SOX13: variants seen among roughly 807,000 people sequenced by gnomAD.
The protein encoded by SOX13 is transcription factor SOX-13.
A neutral mutation model predicts 71.8 loss-of-function variants in SOX13; 28 were observed. That is an observed-to-expected ratio of 0.39 (90% CI 0.29 to 0.53). The LOEUF is 0.53. SOX13 is among the 20% of genes least tolerant of loss of function. The pLI, the probability that SOX13 is intolerant of heterozygous loss-of-function variation, is 0.70. For missense variants in SOX13, 627 were observed against 810.3 expected (o/e 0.77, Z 2.75); for synonymous variants, 309 against 317.8 (o/e 0.97, Z 0.29).
chr1:204,080,547 C>T (rs1262005789), intron 1 of SOX13, among the ~76,000 whole-genome samples: 1 of 152,090 alleles, frequency 6.6e-6, no homozygotes, highest in Non-Finnish European at 1.5e-5. Context: ...CTTACCTCCC[C>T]CAGTCCCCGC....
At chr1:204,124,936 T>C in intron 13 of SOX13, 79 bp downstream of exon 13, 1 of 1,068,342 alleles carries the variant, frequency 9.4e-7, no homozygotes, top group Admixed American at 2.0e-5. Flanking sequence ...TGTCAGTGTG[T>C]GGCCTGCCTT....
At chr1:204,108,101 A>G (rs959498347) in intron 1 of SOX13, among the ~76,000 whole-genome samples, 4 of 152,206 alleles carry the variant, frequency 2.6e-5, no homozygotes. Context: ...GCGCTGTCCA[A>G]CATAAATATA....
chr1:204,095,109 G>T (rs544883645), intron 1 of SOX13, among the ~76,000 whole-genome samples: 1 of 152,258 alleles, frequency 6.6e-6, no homozygotes, highest in East Asian at 1.9e-4. Context: ...TCCTTCCACG[G>T]CCCTGAGCCG....
In SOX13 at chr1:204,123,943, T is replaced by TG; in HGVS notation, c.1375+143dup. The TG allele has an allele frequency of 1.0e-6, 1 of 999,460 alleles. No individual in the cohort carries two copies. The highest frequency in any genetic ancestry group is 1.6e-5 in the African/African-American group (1 of 62,124). 61.9% of individuals were successfully genotyped at this position (999,460 alleles called of 1,614,324 possible). On this transcript the variant is annotated intron_variant, in intron 12 of 13. Coordinates refer to ENST00000367204, the MANE Select transcript of SOX13 (RefSeq NM_005686.3). This position sits in a 1 kb window ranked among gnomAD's most constrained non-coding sequence, Gnocchi z 5.0. ...CTGACGACAGGGGTGCAGGAGTTGC[T>TG]GGGGATGTGAGGGCAGCTGGGTCCT...
chr1:204,117,120 A>G lies in SOX13; in HGVS notation c.592-2A>G. ...CCTCTGCCTACTCTTTCCCTCTCCC[A>G]GATTGCAAAGCAGCAGCAGCAGCTG... On this transcript the variant is annotated splice_acceptor_variant, in intron 5 of 13. Coordinates refer to ENST00000367204, the MANE Select transcript of SOX13 (RefSeq NM_005686.3). LOFTEE classifies it high-confidence loss of function. 1 of 1,613,814 alleles carries G rather than the reference A, an allele frequency of 6.2e-7. No homozygotes were observed.
chr1:204,076,800 T>C (rs1320123859), intron 1 of SOX13, among the ~76,000 whole-genome samples: 1 of 152,200 alleles, frequency 6.6e-6, no homozygotes, highest in Admixed American at 6.5e-5. Flanking sequence ...GGCACTGCAG[T>C]CACCCCATTC....
intron 1 of SOX13, chr1:204,078,135 G>C (rs1571561306): frequency 6.6e-6 from 1 of 152,276 alleles, no homozygotes; most frequent in Non-Finnish European, 1.5e-5. Context: ...TCTTAGAACT[G>C]TTGGGAGGCT....
chr1:204,091,650 G>C (rs1443865571), intron 1 of SOX13, among the ~76,000 whole-genome samples: 1 of 152,140 alleles, frequency 6.6e-6, no homozygotes, highest in Non-Finnish European at 1.5e-5. Flanking sequence ...AATCAGACTG[G>C]GGTTTGAGTC....
chr1:204,098,680 G>A (rs1177738313), intron 1 of SOX13, among the ~76,000 whole-genome samples: 1 of 152,204 alleles, frequency 6.6e-6, no homozygotes, highest in African/African-American at 2.4e-5. Context: ...CTAACAGGGA[G>A]GTGTGGGGTT....
chr1:204,091,019 G>C (rs1442316655), intron 1 of SOX13, among the ~76,000 whole-genome samples: 1 of 152,160 alleles, frequency 6.6e-6, no homozygotes, highest in Non-Finnish European at 1.5e-5. Context: ...GGGAACCAGA[G>C]GATCTGTCAG....
At chr1:204,125,835 C>T (rs12566764) in intron 13 of SOX13, 23 bp from the exon 14 acceptor site, 158,904 of 1,598,154 alleles carry the variant, frequency 0.099, 10,289 homozygotes, top group East Asian at 0.38. Flanking sequence ...CATCCATCAC[C>T]GTTCCCCTTC....
rs59094119 is a variant in SOX13, at chr1:204,096,239, G to GTTTTTTTTT, written c.-1-16666_-1-16658dup. 2.6e-3 allele frequency among the ~76,000 whole-genome samples: 225 copies of GTTTTTTTTT among 85,362 alleles called. 15 individuals are homozygous for GTTTTTTTTT. The highest frequency in any genetic ancestry group is 7.1e-3 in the African/African-American group (147 of 20,678). 56.0% of individuals were successfully genotyped at this position (85,362 alleles called of 152,430 possible). On this transcript the variant is annotated intron_variant, in intron 1 of 13. Transcript: ENST00000367204. ...CTTTTCTTTTCTTTTTCTTTCTTTC[G>GTTTTTTTTT]TTTTTTTTTTTTTTTTTTGCGACAG...
At chr1:204,116,182 C>T (rs1248388828) in intron 4 of SOX13, 2 of 1,301,832 alleles carry the variant, frequency 1.5e-6, no homozygotes, top group Non-Finnish European at 2.0e-6. Flanking sequence ...GGTTGTCCAC[C>T]CTGACCCTGT....
At chr1:204,104,868 G>T (rs1320840455) in intron 1 of SOX13, among the ~76,000 whole-genome samples, 2 of 151,592 alleles carry the variant, frequency 1.3e-5, no homozygotes, top group Non-Finnish European at 2.9e-5. Flanking sequence ...GGCTGTCGTT[G>T]TGGAGGGAGG....
Position 204,077,021 on chromosome 1 carries a change from G to T in SOX13, c.-2+3310G>T, listed in dbSNP as rs145788279. Reference sequence around the variant, plus strand: ...AGAAATACCACAGGGTGATGTGATAGAAAACATATGTAGGTCAGGCAGTGG... The same window carrying T: ...AGAAATACCACAGGGTGATGTGATATAAAACATATGTAGGTCAGGCAGTGG... On this transcript the variant is annotated intron_variant, in intron 1 of 13. Coordinates refer to ENST00000367204, the MANE Select transcript of SOX13 (RefSeq NM_005686.3). Among the ~76,000 whole-genome samples the T allele has an allele frequency of 6.7e-3, 1,016 of 152,366 alleles. 10 individuals are homozygous for T. Among genetic ancestry groups the T allele is most frequent in the African/African-American group, 0.021 (883 of 41,588 alleles).
At chr1:204,076,526 G>C (rs925927216) in intron 1 of SOX13, among the ~76,000 whole-genome samples, 1 of 152,214 alleles carries the variant, frequency 6.6e-6, no homozygotes, top group Non-Finnish European at 1.5e-5. Flanking sequence ...GCAGTTGGAG[G>C]ATTTTCTAGG....
intron 1 of SOX13, among the ~76,000 whole-genome samples, chr1:204,076,206 G>A (rs1424629987): frequency 6.6e-6 from 1 of 152,226 alleles, no homozygotes; most frequent in African/African-American, 2.4e-5. Context: ...GTCCCAGGAA[G>A]GAATTGTCTC....
chr1:204,114,277 C>G, intron 2 of SOX13, 44 bp from the exon 3 acceptor site: 1 of 1,343,722 alleles, frequency 7.4e-7, no homozygotes, highest in Non-Finnish European at 1.0e-6. Flanking sequence ...GCAGCCTGTC[C>G]CCTTCTCTTG....
chr1:204,118,113 C>T (rs180927582), intron 7 of SOX13: 129 of 166,866 alleles, frequency 7.7e-4, no homozygotes, highest in African/African-American at 3.0e-3. Flanking sequence ...ATGGTGAAAC[C>T]CCATCTTTAC....
Sources: allele counts gnomAD v4.1 joint callset (sites outside exome capture counted in the v4.1 genomes callset), GRCh38; gene constraint gnomAD v4.1.1; non-coding constraint Gnocchi (gnomAD v3.1); transcripts MANE v1.5; gene names NCBI Gene and HGNC (gene_info 2026-07-23, HGNC 2026-07-21).